Variants in CBFA2T3 observed in about 807,000 individuals in gnomAD.
CBFA2T3 encodes transcriptional corepressor CBFA2T3.
In CBFA2T3, 31 loss-of-function variants were observed where a neutral mutation model predicts 58.6. The observed-to-expected ratio is 0.53, with a 90% CI of 0.40 to 0.71. The LOEUF is 0.71. Among genes scored for constraint, CBFA2T3 ranks in the 30% least tolerant of loss-of-function variants. CBFA2T3 has a pLI of 0.00. For synonymous variants in CBFA2T3, 531 were observed against 421.9 expected (o/e 1.26, Z -3.17); for missense variants, 1,076 against 963.1 (o/e 1.12, Z -1.55).
chr16:88,901,744 C>T, intron 1 of CBFA2T3, 88 bp from the exon 2 acceptor site: 1 of 1,226,252 alleles, frequency 8.2e-7, no homozygotes, highest in Non-Finnish European at 1.1e-6. Flanking sequence ...AGCGAAGGCC[C>T]CACTGAGTGT....
intron 8 of CBFA2T3, among the ~76,000 whole-genome samples, chr16:88,882,290 G>A (rs1441196234): frequency 6.6e-6 from 1 of 152,250 alleles, no homozygotes; most frequent in Non-Finnish European, 1.5e-5. Context: ...AGGCATACAG[G>A]TGTGGCTGTG....
At chr16:88,964,126 T>C (rs906299914) in intron 1 of CBFA2T3, among the ~76,000 whole-genome samples, 5 of 152,224 alleles carry the variant, frequency 3.3e-5, no homozygotes, top group Non-Finnish European at 7.3e-5. Flanking sequence ...AAGGAATCCA[T>C]ATGTGGGTCT....
chr16:88,893,802 G>A (rs951151601), intron 3 of CBFA2T3, among the ~76,000 whole-genome samples: 1 of 152,174 alleles, frequency 6.6e-6, no homozygotes, highest in African/African-American at 2.4e-5. Flanking sequence ...CAGAGCTAAG[G>A]CCAAGCCTCT....
intron 7 of CBFA2T3, 106 bp downstream of exon 7, chr16:88,884,940 A>T: frequency 1.2e-6 from 1 of 830,940 alleles, no homozygotes; most frequent in Non-Finnish European, 1.8e-6. Flanking sequence ...GCTCAGGTGC[A>T]CACAGCTGCC....
intron 1 of CBFA2T3, among the ~76,000 whole-genome samples, chr16:88,904,497 G>A (rs1018068351): frequency 4.6e-5 from 7 of 152,334 alleles, no homozygotes; most frequent in East Asian, 3.9e-4. Context: ...CAAAGTCTCC[G>A]CTTGTCATCA....
In CBFA2T3 at chr16:88,875,572, G is replaced by A. The variant is rs1448384520; in HGVS notation, c.*1404C>T. 7.3e-5 allele frequency: 17 copies of A among 233,760 alleles called. No individual in the cohort carries two copies. The highest frequency in any genetic ancestry group is 1.1e-4 in the Non-Finnish European group (13 of 118,340). The allele number at this position is 233,760 out of a possible 1,614,324, so 14.5% of individuals were successfully genotyped here. A position where few individuals can be genotyped will look rare whatever the true frequency, so the allele number is the denominator to read the frequency against. On this transcript the variant is annotated 3_prime_UTR_variant, in exon 12 of 12. Transcript: ENST00000268679. The stretch of plus-strand genomic sequence containing the variant: ...GGAGTAGCTGCGGTGGGGCGATGGG[G>A]CCGAGAGGTTGGAGTTGGGGCGATG...
chr16:88,880,995 T>A, intron 9 of CBFA2T3: 1 of 673,816 alleles, frequency 1.5e-6, no homozygotes, highest in Non-Finnish European at 2.7e-6. Context: ...GACCTTGGAC[T>A]CGGCTGGGAG....
chr16:88,969,883 C>T (rs1972605558), intron 1 of CBFA2T3, among the ~76,000 whole-genome samples: 1 of 152,200 alleles, frequency 6.6e-6, no homozygotes, highest in Non-Finnish European at 1.5e-5. Flanking sequence ...TGTGGGTTCA[C>T]CCCATCCCCC....
intron 1 of CBFA2T3, among the ~76,000 whole-genome samples, chr16:88,961,256 C>T (rs147746363): frequency 4.5e-4 from 69 of 152,284 alleles, no homozygotes; most frequent in Non-Finnish European, 8.2e-4. Flanking sequence ...CGGGGAGTGA[C>T]GGAACCTTCT....
At chr16:88,892,765 G>A (rs1244928053) in intron 3 of CBFA2T3, among the ~76,000 whole-genome samples, 1 of 152,200 alleles carries the variant, frequency 6.6e-6, no homozygotes, top group Non-Finnish European at 1.5e-5. Context: ...TTCCCAGGGA[G>A]GTGAAGCCTC....
intron 1 of CBFA2T3, among the ~76,000 whole-genome samples, chr16:88,972,907 C>T (rs943172174): frequency 6.6e-6 from 1 of 152,198 alleles, no homozygotes; most frequent in Admixed American, 6.5e-5. Context: ...AGCTACCATC[C>T]GGCCCCTTTG....
chr16:88,928,876 G>T (rs924867527), intron 1 of CBFA2T3, among the ~76,000 whole-genome samples: 4 of 152,216 alleles, frequency 2.6e-5, no homozygotes, highest in Non-Finnish European at 5.9e-5. Context: ...CAGGCGTCGG[G>T]GGGAGCATTC....
At chr16:88,880,263 C>T (rs888043288) in intron 10 of CBFA2T3, among the ~76,000 whole-genome samples, 3 of 152,118 alleles carry the variant, frequency 2.0e-5, no homozygotes, top group African/African-American at 4.8e-5. Context: ...CCTAACCCCT[C>T]TTGCTGCCCA....
chr16:88,967,806 C>T (rs1972552334), intron 1 of CBFA2T3, among the ~76,000 whole-genome samples: 1 of 152,210 alleles, frequency 6.6e-6, no homozygotes, highest in African/African-American at 2.4e-5. Context: ...CCTTCCTGTC[C>T]AGGGCACCGG....
intron 1 of CBFA2T3, among the ~76,000 whole-genome samples, chr16:88,946,010 G>A (rs1971892227): frequency 6.6e-6 from 1 of 152,192 alleles, no homozygotes; most frequent in African/African-American, 2.4e-5. Context: ...TCAAGCCATG[G>A]AAAGTGAACA....
intron 1 of CBFA2T3, among the ~76,000 whole-genome samples, chr16:88,917,655 T>C (rs1188575718): frequency 6.6e-6 from 1 of 152,178 alleles, no homozygotes; most frequent in Non-Finnish European, 1.5e-5. Context: ...ACTGCCGGTG[T>C]GGACGCTAAG....
intron 1 of CBFA2T3, among the ~76,000 whole-genome samples, chr16:88,907,547 C>T (rs898781337): frequency 2.0e-4 from 31 of 152,184 alleles, no homozygotes; most frequent in African/African-American, 7.5e-4. Context: ...TCCTGCGCTT[C>T]TCTATCTTAC....
intron 2 of CBFA2T3, among the ~76,000 whole-genome samples, chr16:88,899,210 C>CG (rs1410094232): frequency 1.3e-5 from 2 of 152,104 alleles, no homozygotes; most frequent in Non-Finnish European, 2.9e-5. Context: ...GGCCAGTCCC[C>CG]GGGGAGGAGC....
At chr16:88,909,117 C>G (rs1467191268) in intron 1 of CBFA2T3, among the ~76,000 whole-genome samples, 1 of 152,248 alleles carries the variant, frequency 6.6e-6, no homozygotes, top group African/African-American at 2.4e-5. Flanking sequence ...CAGGCCTCTC[C>G]TGTTACTCCA....
Sources: allele counts gnomAD v4.1 joint callset (sites outside exome capture counted in the v4.1 genomes callset), GRCh38; gene constraint gnomAD v4.1.1; transcripts MANE v1.5; gene names NCBI Gene and HGNC (gene_info 2026-07-23, HGNC 2026-07-21).